The following LRRC8C variants were observed in gnomAD, a reference collection of about 807,000 sequenced individuals.
LRRC8C encodes leucine rich repeat containing 8 VRAC subunit C.
LRRC8C carries 20 observed loss-of-function variants against 55.3 expected under a neutral mutation model. The observed-to-expected ratio is 0.36, with a 90% CI of 0.25 to 0.53. LRRC8C has a LOEUF of 0.53. Among genes scored for constraint, LRRC8C ranks in the 20% least tolerant of loss-of-function variants. The pLI is 0.92. For synonymous variants in LRRC8C, 376 were observed against 360.7 expected (o/e 1.04, Z -0.48); for missense variants, 659 against 951.4 (o/e 0.69, Z 4.04).
chr1:89,662,897 CGTGCCATG>C (rs766668237), intron 1 of LRRC8C, among the ~76,000 whole-genome samples: 3 of 152,006 alleles, frequency 2.0e-5, no homozygotes, highest in Non-Finnish European at 1.5e-5. Flanking sequence ...TAGGTATACA[CGTGCCATG>C]GTGCTTTGCT....
intron 2 of LRRC8C, chr1:89,706,515 C>T (rs1428166026): frequency 6.1e-6 from 2 of 328,748 alleles, no homozygotes; most frequent in Non-Finnish European, 1.2e-5. Flanking sequence ...ATACATCATA[C>T]AAAAATGTAG....
chr1:89,675,222 T>A (rs761009596), intron 1 of LRRC8C, among the ~76,000 whole-genome samples: 11 of 152,176 alleles, frequency 7.2e-5, no homozygotes, highest in Non-Finnish European at 1.3e-4. Context: ...CAAAAAACCT[T>A]TTTTTGAGTA....
chr1:89,700,869 A>G (rs961288871), intron 2 of LRRC8C, among the ~76,000 whole-genome samples: 2 of 152,392 alleles, frequency 1.3e-5, no homozygotes, highest in Middle Eastern at 3.4e-3. Context: ...TTTTTAAAGA[A>G]TAAGACACAA....
At chr1:89,665,747 A>G (rs1657241936) in intron 1 of LRRC8C, among the ~76,000 whole-genome samples, 1 of 152,164 alleles carries the variant, frequency 6.6e-6, no homozygotes, top group Non-Finnish European at 1.5e-5. Context: ...TGTTTATTAT[A>G]AAGTCTACGG....
intron 1 of LRRC8C, among the ~76,000 whole-genome samples, chr1:89,636,250 G>T (rs1433866444): frequency 2.0e-5 from 3 of 152,188 alleles, no homozygotes; most frequent in African/African-American, 7.2e-5. Flanking sequence ...ATTAACACCA[G>T]TGTATCCTAG....
chr1:89,698,575 C>T (rs1658233900), intron 2 of LRRC8C, among the ~76,000 whole-genome samples: 1 of 152,062 alleles, frequency 6.6e-6, no homozygotes, highest in Non-Finnish European at 1.5e-5. Flanking sequence ...TTGATACTAG[C>T]CTTTAATTAT....
chr1:89,701,426 A>G (rs1658319379), intron 2 of LRRC8C, among the ~76,000 whole-genome samples: 1 of 151,710 alleles, frequency 6.6e-6, no homozygotes, highest in African/African-American at 2.4e-5. Context: ...CAGTGAGCCA[A>G]GATCGCACCA....
chr1:89,663,275 A>G (rs1342097966), intron 1 of LRRC8C, among the ~76,000 whole-genome samples: 1 of 152,172 alleles, frequency 6.6e-6, no homozygotes, highest in Non-Finnish European at 1.5e-5. Flanking sequence ...GAGTGCTGCA[A>G]TAAACACACA....
the LRRC8C span, among the ~76,000 whole-genome samples, chr1:89,618,618 T>C: frequency 6.6e-6 from 1 of 152,076 alleles, no homozygotes; most frequent in East Asian, 1.9e-4. Context: ...GACGTGGAAA[T>C]GCAAAGGGAG....
chr1:89,713,858 C>G lies in LRRC8C; in HGVS notation c.1288C>G (p.Leu430Val). Residue 430 changes from leucine (L) to valine (V), a missense_variant, in exon 3 of 3, where the codon CTT (leucine) becomes GTT (valine). Physicochemically the swap from Leu to Val is conservative, Grantham distance 32. Around this residue, in one of 5 missense-constraint regions of LRRC8C, gnomAD observed 344 missense variants for 464.6 expected, o/e 0.74. Coordinates refer to ENST00000370454, the MANE Select transcript of LRRC8C (RefSeq NM_032270.5). The surrounding 1 kb of genome is among the most constrained non-coding windows in gnomAD (Gnocchi z 5.2). Reference sequence around the variant, plus strand: ...TGCCCATAATCGACTGGAATTGCCTCTTATCATGCTCTCTGGCCTTCCAGA... The same window carrying G: ...TGCCCATAATCGACTGGAATTGCCTGTTATCATGCTCTCTGGCCTTCCAGA... The part of the protein sequence containing the change: ...TNAHNRLELP[L>V]IMLSGLPDTV... The G allele has an allele frequency of 6.2e-7, 1 of 1,614,196 alleles. No individual in the cohort carries two copies. Among genetic ancestry groups the G allele is most frequent in the Non-Finnish European group, 8.5e-7 (1 of 1,180,048 alleles).
At chr1:89,629,617 G>A (rs1656055210), upstream of LRRC8C, 1 of 152,124 alleles carries the variant, frequency 6.6e-6, no homozygotes, top group Non-Finnish European at 1.5e-5. Flanking sequence ...ACCAATACAA[G>A]AAACTGAAAC....
chr1:89,642,497 C>T (rs528293646), intron 1 of LRRC8C, among the ~76,000 whole-genome samples: 164 of 151,944 alleles, frequency 1.1e-3, no homozygotes, highest in Non-Finnish European at 1.3e-3. Flanking sequence ...AGCGGATCAC[C>T]TGAGGTCAGG....
At chr1:89,617,895 G>T in the LRRC8C span, among the ~76,000 whole-genome samples, 1 of 152,104 alleles carries the variant, frequency 6.6e-6, no homozygotes, top group African/African-American at 2.4e-5. Context: ...GACATACATA[G>T]GGCAAGGTCA....
intron 1 of LRRC8C, among the ~76,000 whole-genome samples, chr1:89,649,693 T>G (rs1656704640): frequency 6.6e-6 from 1 of 152,176 alleles, no homozygotes; most frequent in South Asian, 2.1e-4. Context: ...CTTGAAACAT[T>G]CTTTCAGGCA....
intron 1 of LRRC8C, among the ~76,000 whole-genome samples, chr1:89,638,967 ATTATT>A (rs11270989): frequency 0.013 from 1,796 of 137,894 alleles, 40 homozygotes; most frequent in East Asian, 0.12. Flanking sequence ...TATTTTACTT[ATTATT>A]TTATTTTATT....
intron 1 of LRRC8C, among the ~76,000 whole-genome samples, chr1:89,647,295 T>A (rs752535480): frequency 3.3e-5 from 5 of 152,212 alleles, no homozygotes; most frequent in Non-Finnish European, 5.9e-5. Context: ...CCTTTTTATA[T>A]AGCTCCAAAT....
chr1:89,623,006 TC>T, the LRRC8C span, among the ~76,000 whole-genome samples: 1 of 152,170 alleles, frequency 6.6e-6, no homozygotes, highest in African/African-American at 2.4e-5. Context: ...ACTTAAGAGA[TC>T]AGAGATGTTT....
At chr1:89,667,122 G>A (rs1177235339) in intron 1 of LRRC8C, among the ~76,000 whole-genome samples, 6 of 152,050 alleles carry the variant, frequency 3.9e-5, no homozygotes, top group Non-Finnish European at 2.9e-5. Flanking sequence ...GCCAATATCT[G>A]GTGGCAGAAT....
chr1:89,674,802 T>G (rs1657510200), intron 1 of LRRC8C, among the ~76,000 whole-genome samples: 2 of 152,202 alleles, frequency 1.3e-5, no homozygotes, highest in Non-Finnish European at 2.9e-5. Flanking sequence ...ATGGTACATT[T>G]TAAAGGTAGA....
Sources: gnomAD v4.1 joint callset for allele counts (sites outside exome capture counted in the v4.1 genomes callset) on GRCh38, gnomAD v4.1.1 for gene constraint, gnomAD v4.1.1 regional missense constraint, Gnocchi (gnomAD v3.1) non-coding constraint, MANE v1.5 for transcripts, NCBI Gene and HGNC (gene_info 2026-07-23, HGNC 2026-07-21) for gene names.